ERO1A: variants seen among roughly 807,000 people sequenced by gnomAD.
The protein encoded by ERO1A is endoplasmic reticulum oxidoreductase 1 alpha.
Under a neutral mutation model 76.9 loss-of-function variants are expected in ERO1A, and 49 were observed. The observed-to-expected ratio is 0.64, with a 90% CI of 0.51 to 0.81. ERO1A has a LOEUF of 0.81. Among genes scored for constraint, ERO1A ranks in the 30% least tolerant of loss-of-function variants. The pLI, the probability that ERO1A is intolerant of heterozygous loss-of-function variation, is 0.00. For missense variants in ERO1A, 448 were observed against 542.1 expected (o/e 0.83, Z 1.72); for synonymous variants, 174 against 181.2 (o/e 0.96, Z 0.32).
At chr14:52,672,999 C>G (rs1022895981) in intron 4 of ERO1A, among the ~76,000 whole-genome samples, 1 of 152,000 alleles carries the variant, frequency 6.6e-6, no homozygotes, top group Non-Finnish European at 1.5e-5. Flanking sequence ...TATTAAACAC[C>G]ATTTGGACTT....
At chr14:52,663,897 T>C (rs763572468) in intron 7 of ERO1A, 50 bp from the exon 8 acceptor site, 3 of 1,091,226 alleles carry the variant, frequency 2.7e-6, no homozygotes, top group African/African-American at 3.1e-5. Flanking sequence ...TTACCAATCA[T>C]GTTATATTTA....
rs2039810050 is a variant in ERO1A, at chr14:52,650,238, T to C, written c.1125+2001A>G. 1.3e-5 allele frequency among the ~76,000 whole-genome samples: 2 copies of C among 151,630 alleles called. 1 individual carries two copies. The highest frequency in any genetic ancestry group is 4.2e-4 in the South Asian group (2 of 4,804). On this transcript the variant is annotated intron_variant, in intron 13 of 15. Transcript: ENST00000395686. ...TATCTCTTAAAAAAACAAAAATATA[T>C]ATACAATATGTATGAAATCAGACAT...
At chr14:52,647,722 A>C (rs1594818646) in intron 13 of ERO1A, among the ~76,000 whole-genome samples, 1 of 152,288 alleles carries the variant, frequency 6.6e-6, no homozygotes, top group South Asian at 2.1e-4. Flanking sequence ...CTTCAATGGA[A>C]ATTACCAACT....
chr14:52,663,370 C>T (rs1204587406), intron 8 of ERO1A, among the ~76,000 whole-genome samples: 1 of 151,900 alleles, frequency 6.6e-6, no homozygotes, highest in Admixed American at 6.6e-5. Context: ...GAGGCCGAGG[C>T]GGGTGGATCA....
chr14:52,666,006 C>T (rs1333313738), intron 7 of ERO1A, among the ~76,000 whole-genome samples: 1 of 152,138 alleles, frequency 6.6e-6, no homozygotes, highest in Non-Finnish European at 1.5e-5. Context: ...GTGTACAGAG[C>T]ACCAAAAAGA....
At chr14:52,665,915 G>A (rs761889464) in intron 7 of ERO1A, among the ~76,000 whole-genome samples, 13 of 152,216 alleles carry the variant, frequency 8.5e-5, no homozygotes, top group Non-Finnish European at 1.5e-4. Flanking sequence ...CTAGAATACA[G>A]TGAGTGCTCA....
chr14:52,690,172 G>A (rs2041307732), intron 1 of ERO1A, among the ~76,000 whole-genome samples: 1 of 151,924 alleles, frequency 6.6e-6, no homozygotes, highest in African/African-American at 2.4e-5. Flanking sequence ...AAGACTCCTA[G>A]AAAAAAACAT....
At chr14:52,659,428 G>C (rs78387897) in intron 9 of ERO1A, among the ~76,000 whole-genome samples, 1 of 152,188 alleles carries the variant, frequency 6.6e-6, no homozygotes, top group African/African-American at 2.4e-5. Context: ...GCAGAGAAGC[G>C]TATCTGGTAG....
At position 52,646,415 on chromosome 14, in the gene ERO1A, C is replaced by T; in HGVS notation, c.1172G>A (p.Cys391Tyr). The change falls in exon 14 of 16, where the codon TGT becomes TAT. Residue 391 changes from cysteine (C) to tyrosine (Y), a missense_variant. By Grantham distance (194) the Cys-to-Tyr change is radical. Transcript: ENST00000395686. ...HFRNISRIMD[C>Y]VGCFKCRLWG... ...CAGACGACATTTAAAACAACCAACA[C>T]AATCCATAATTCTTGAAATATTTCT... is the stretch of plus-strand genomic sequence containing the variant. 1 of 1,613,070 alleles carries T rather than the reference C, an allele frequency of 6.2e-7. No individual in the cohort carries two copies. Among genetic ancestry groups the T allele is most frequent in the Non-Finnish European group, 8.5e-7 (1 of 1,179,740 alleles).
Position 52,641,281 on chromosome 14 carries a change from A to G in ERO1A, c.*2289T>C, listed in dbSNP as rs546047994. On this transcript the variant is annotated 3_prime_UTR_variant, in exon 16 of 16. Coordinates refer to ENST00000395686, the MANE Select transcript of ERO1A (RefSeq NM_014584.3). ...TAGAAGGTGACAAAGTAGAGGTAAGAATATTCCTTCAAAAAGATTGGCAGC... is the reference window on the plus strand; with the variant it reads ...TAGAAGGTGACAAAGTAGAGGTAAGGATATTCCTTCAAAAAGATTGGCAGC... The G allele has an allele frequency of 9.2e-5, 14 of 152,106 alleles. No individual in the cohort carries two copies. In the East Asian group the frequency reaches 2.7e-3, roughly 29 times the overall value. The allele number at this position is 152,106 out of a possible 1,614,324, so 9.4% of individuals were successfully genotyped here.
rs1257886748 is a variant in ERO1A, at chr14:52,641,654, A to G, written c.*1916T>C. The stretch of plus-strand genomic sequence containing the variant: ...AAAAAAGGAAGGGAAGCATAAGATG[A>G]GAGAGAGGGACACACAAAAAATGGC... On this transcript the variant is annotated 3_prime_UTR_variant, in exon 16 of 16. Transcript: ENST00000395686. The G allele has an allele frequency of 2.0e-5, 3 of 151,954 alleles. No individual in the cohort carries two copies. The highest frequency in any genetic ancestry group is 7.3e-5 in the African/African-American group (3 of 41,344). 9.4% of individuals were successfully genotyped at this position (151,954 alleles called of 1,614,324 possible).
At chr14:52,672,392 C>T (rs1279709265) in intron 4 of ERO1A, among the ~76,000 whole-genome samples, 1 of 152,006 alleles carries the variant, frequency 6.6e-6, no homozygotes, top group Non-Finnish European at 1.5e-5. Context: ...TTCTTTTGCC[C>T]CTAAAGTACA....
Position 52,661,370 on chromosome 14 carries a change from C to G in ERO1A, c.677-66G>C, listed in dbSNP as rs1042755378. On this transcript the variant is annotated intron_variant, in intron 8 of 15. Coordinates refer to ENST00000395686, the MANE Select transcript of ERO1A (RefSeq NM_014584.3). The stretch of plus-strand genomic sequence containing the variant: ...CCAGTGCCCCTTTTATAATGCTACA[C>G]TTTCATAAAAATAAGACTTTAATAA... The G allele has an allele frequency of 5.1e-5, 67 of 1,303,672 alleles. No homozygotes were observed. Among genetic ancestry groups the G allele is most frequent in the Non-Finnish European group, 6.8e-5 (66 of 977,168 alleles). 80.8% of individuals were successfully genotyped at this position (1,303,672 alleles called of 1,614,324 possible). A position where few individuals can be genotyped will look rare whatever the true frequency, so the allele number is the denominator to read the frequency against.
chr14:52,695,234 C>T, intron 1 of ERO1A, 134 bp downstream of exon 1: 2 of 573,736 alleles, frequency 3.5e-6, no homozygotes, highest in South Asian at 5.1e-5. Context: ...CACCGGGCAG[C>T]AGCACCGGAG....
At chr14:52,684,524 G>A (rs2041116668) in intron 1 of ERO1A, among the ~76,000 whole-genome samples, 1 of 152,142 alleles carries the variant, frequency 6.6e-6, no homozygotes, top group African/African-American at 2.4e-5. Flanking sequence ...TGTCCTTCCT[G>A]AGGCACAGCT....
chr14:52,670,782 T>C (rs532125858), intron 6 of ERO1A, among the ~76,000 whole-genome samples: 1 of 152,334 alleles, frequency 6.6e-6, no homozygotes, highest in East Asian at 1.9e-4. Context: ...AACCACAAGC[T>C]ACATAGAACT....
intron 3 of ERO1A, 66 bp downstream of exon 3, chr14:52,682,254 TAAAAC>T: frequency 7.9e-7 from 1 of 1,272,648 alleles, no homozygotes; most frequent in East Asian, 2.4e-5. Flanking sequence ...AATTCTTAAA[TAAAAC>T]AAAACAAAAA....
At chr14:52,675,013 G>A (rs543678126) in intron 4 of ERO1A, among the ~76,000 whole-genome samples, 3 of 152,250 alleles carry the variant, frequency 2.0e-5, no homozygotes, top group East Asian at 1.9e-4. Context: ...AAATGCATCC[G>A]AAAAATAAGA....
Position 52,653,289 on chromosome 14 carries a change from G to C in ERO1A, c.835C>G (p.His279Asp), listed in dbSNP as rs760728595. ...QETWLEKKWG[H>D]NITEFQQRFD... ...CGCTGTTGAAATTCTGTAATGTTGT[G>C]TCCCCATTTCTTTTCTAACCAGGTC... Residue 279 changes from histidine (H) to aspartate (D), a missense_variant, in exon 12 of 16, where the codon CAC (histidine) becomes GAC (aspartate). Around this residue, in one of 2 missense-constraint regions of ERO1A, gnomAD observed 302 missense variants for 411.9 expected, o/e 0.73. Transcript: ENST00000395686. 1 of 1,608,264 alleles carries C rather than the reference G, an allele frequency of 6.2e-7. No individual in the cohort carries two copies. Among genetic ancestry groups the C allele is most frequent in the Non-Finnish European group, 8.5e-7 (1 of 1,177,358 alleles).
Sources: gnomAD v4.1 joint callset for allele counts (sites outside exome capture counted in the v4.1 genomes callset) on GRCh38, gnomAD v4.1.1 for gene constraint, gnomAD v4.1.1 regional missense constraint, MANE v1.5 for transcripts, NCBI Gene and HGNC (gene_info 2026-07-23, HGNC 2026-07-21) for gene names.